OOSP4B: variants seen among roughly 807,000 people sequenced by gnomAD.
The protein encoded by OOSP4B is oocyte-secreted protein 4B.
At chr11:60,018,498 G>A (rs1854648720) in intron 1 of OOSP4B, among the ~76,000 whole-genome samples, 1 of 152,180 alleles carries the variant, frequency 6.6e-6, no homozygotes, top group Admixed American at 6.5e-5. Flanking sequence ...TTTTAGCTTA[G>A]AAGCACTTTA....
At chr11:60,024,887 T>TAA (rs1854731047) in intron 2 of OOSP4B, 21 bp from the exon 3 acceptor site, 1 of 398,184 alleles carries the variant, frequency 2.5e-6, no homozygotes, top group Non-Finnish European at 4.4e-6. Context: ...CTTCTAGTAT[T>TAA]AAAACTCTCA....
At chr11:60,021,222 C>T (rs979429616) in intron 1 of OOSP4B, among the ~76,000 whole-genome samples, 2 of 152,132 alleles carry the variant, frequency 1.3e-5, no homozygotes, top group African/African-American at 2.4e-5. Flanking sequence ...AAAATGCAAA[C>T]CGAGTCAATA....
intron 1 of OOSP4B, among the ~76,000 whole-genome samples, chr11:60,018,175 G>A (rs1854645112): frequency 6.6e-6 from 1 of 152,198 alleles, no homozygotes; most frequent in South Asian, 2.1e-4. Context: ...TGTCGGCTGC[G>A]TCTAATGTCA....
exon 2 of OOSP4B, chr11:60,023,981 G>C (rs1013056776): frequency 7.5e-6 from 3 of 398,594 alleles, no homozygotes; most frequent in Non-Finnish European, 1.3e-5. Context: ...ACACCTGAGA[G>C]ATAACTGTCC....
chr11:60,028,218 T>C (rs998642321), intron 3 of OOSP4B, among the ~76,000 whole-genome samples: 1 of 151,332 alleles, frequency 6.6e-6, no homozygotes, highest in Non-Finnish European at 1.5e-5. Context: ...CAGGCGGGAG[T>C]GCAGTGGTGC....
At chr11:60,023,486 G>A (rs1217304240) in intron 1 of OOSP4B, among the ~76,000 whole-genome samples, 2 of 152,160 alleles carry the variant, frequency 1.3e-5, no homozygotes, top group Non-Finnish European at 2.9e-5. Context: ...CCAGGCTGGA[G>A]TGCAGTGGCA....
At chr11:60,023,017 C>T (rs1456303206) in intron 1 of OOSP4B, among the ~76,000 whole-genome samples, 1 of 152,136 alleles carries the variant, frequency 6.6e-6, no homozygotes, top group Non-Finnish European at 1.5e-5. Context: ...ATTGTTTTTA[C>T]CTTAATAAAC....
chr11:60,027,939 A>T (rs553046647), intron 3 of OOSP4B, among the ~76,000 whole-genome samples: 1 of 145,816 alleles, frequency 6.9e-6, no homozygotes, highest in African/African-American at 2.5e-5. Flanking sequence ...GATTGTCTTT[A>T]AAAAAAAAAG....
chr11:60,022,484 T>C (rs1854701775), intron 1 of OOSP4B, among the ~76,000 whole-genome samples: 1 of 152,238 alleles, frequency 6.6e-6, no homozygotes, highest in South Asian at 2.1e-4. Flanking sequence ...TTCCATGTTG[T>C]ACTTGCGTCT....
intron 1 of OOSP4B, among the ~76,000 whole-genome samples, chr11:60,018,034 T>G (rs1211352593): frequency 6.6e-6 from 1 of 152,154 alleles, no homozygotes; most frequent in South Asian, 2.1e-4. Context: ...CAGGAAAAAA[T>G]TACTAGGAAT....
chr11:60,018,138 GTTGT>G (rs1854644373), intron 1 of OOSP4B, among the ~76,000 whole-genome samples: 1 of 152,228 alleles, frequency 6.6e-6, no homozygotes, highest in Non-Finnish European at 1.5e-5. Flanking sequence ...TGAGAGAATA[GTTGT>G]TTGGTTCAGT....
At chr11:60,027,681 GAT>G (rs1854758278) in intron 3 of OOSP4B, among the ~76,000 whole-genome samples, 1 of 63,754 alleles carries the variant, frequency 1.6e-5, no homozygotes, top group African/African-American at 5.1e-5. Flanking sequence ...AAAAAAAAAA[GAT>G]GATCCCAGCA....
intron 2 of OOSP4B, among the ~76,000 whole-genome samples, chr11:60,024,610 G>C (rs951651473): frequency 2.0e-5 from 3 of 152,168 alleles, no homozygotes; most frequent in Non-Finnish European, 2.9e-5. Context: ...TAATAGCTGG[G>C]AACATTGTTT....
chr11:60,027,926 T>G (rs191550886), intron 3 of OOSP4B, among the ~76,000 whole-genome samples: 2 of 150,292 alleles, frequency 1.3e-5, no homozygotes, highest in East Asian at 4.0e-4. Flanking sequence ...GGTGACAGAG[T>G]GAGATTGTCT....
At chr11:60,023,587 A>G (rs1402758147) in intron 1 of OOSP4B, among the ~76,000 whole-genome samples, 2 of 152,122 alleles carry the variant, frequency 1.3e-5, no homozygotes, top group South Asian at 4.1e-4. Context: ...GGGGCACGCC[A>G]CCATGCTTGG....
chr11:60,024,816 TTCCGG>T lies in OOSP4B; in HGVS notation c.205-91_205-87del, dbSNP rs1466718960. ...CTGTTAAATTAATGTAAAATGCCAT[TTCCGG>T]ATTTTCCTAAAGCAGATTCTATTAA... is the stretch of plus-strand genomic sequence containing the variant. On this transcript the variant is annotated intron_variant, in intron 2 of 4. Transcript: ENST00000642343. 1.9e-4 allele frequency: 75 copies of T among 395,862 alleles called. No homozygotes were observed. The South Asian group carries it at 1.9e-3, about 10-fold the overall frequency. 24.5% of individuals were successfully genotyped at this position (395,862 alleles called of 1,614,324 possible). A position where few individuals can be genotyped will look rare whatever the true frequency, so the allele number is the denominator to read the frequency against.
Position 60,026,622 on chromosome 11 carries a change from G to T in OOSP4B, c.302+1617G>T, listed in dbSNP as rs116260357. On this transcript the variant is annotated intron_variant, in intron 3 of 4. Coordinates refer to ENST00000642343, the Ensembl canonical transcript of OOSP4B. ...GTGGAAAAGGTCAGACAAAATTAAG[G>T]CACCCTGCAAGGAATGACTTGAAAT... is the stretch of plus-strand genomic sequence containing the variant. Among the ~76,000 whole-genome samples the T allele has an allele frequency of 3.1e-3, 476 of 152,226 alleles. 4 individuals are homozygous for T. The highest frequency in any genetic ancestry group is 0.011 in the African/African-American group (452 of 41,536).
intron 1 of OOSP4B, among the ~76,000 whole-genome samples, chr11:60,021,087 A>G (rs1462875052): frequency 6.6e-6 from 1 of 152,218 alleles, no homozygotes; most frequent in East Asian, 1.9e-4. Flanking sequence ...CTGGCCTCTC[A>G]TCTATCCTTC....
rs189517755 is a variant in OOSP4B at position 60,020,480 on chromosome 11, G to A, written c.22+3067G>A. Among the ~76,000 whole-genome samples the A allele has an allele frequency of 3.9e-5, 6 of 152,280 alleles. No homozygotes were observed. In the East Asian group the frequency reaches 5.8e-4, roughly 15 times the overall value. ...CCAGGTGCTAAGCCCCTCACTGCCC[G>A]GGTGGGGGCGGGGGCCAGCCGGCGG... On this transcript the variant is annotated intron_variant, in intron 1 of 4. Coordinates refer to ENST00000642343, the Ensembl canonical transcript of OOSP4B.
Sources: gnomAD v4.1 joint callset for allele counts (sites outside exome capture counted in the v4.1 genomes callset) on GRCh38, gnomAD v4.1.1 for gene constraint, MANE v1.5 for transcripts, NCBI Gene and HGNC (gene_info 2026-07-23, HGNC 2026-07-21) for gene names.